Variants in TMEM207 observed in about 807,000 individuals in gnomAD.
TMEM207 encodes the protein SRSR846.
A neutral mutation model predicts 17.4 loss-of-function variants in TMEM207; 15 were observed. That is an observed-to-expected ratio of 0.86 (90% CI 0.58 to 1.33). The LOEUF (loss-of-function observed/expected upper bound fraction) is 1.33, where lower values mean the gene tolerates loss of function less well. Among genes scored for constraint, TMEM207 ranks in the 40% most tolerant of loss-of-function variants. The pLI, the probability that TMEM207 is intolerant of heterozygous loss-of-function variation, is 0.00. For missense variants in TMEM207, 205 were observed against 173.8 expected (o/e 1.18, Z -1.01); for synonymous variants, 70 against 65.6 (o/e 1.07, Z -0.33).
At chr3:190,448,648 A>C (rs1720100402) in intron 1 of TMEM207, among the ~76,000 whole-genome samples, 1 of 152,148 alleles carries the variant, frequency 6.6e-6, no homozygotes, top group African/African-American at 2.4e-5. Context: ...TTAGTTGATG[A>C]AGTCAGTTGA....
intron 4 of TMEM207, among the ~76,000 whole-genome samples, chr3:190,439,124 C>T (rs1411056084): frequency 4.4e-5 from 6 of 135,410 alleles, no homozygotes; most frequent in East Asian, 2.3e-4. Context: ...TTGCAGTGAG[C>T]GGAGATCGCG....
chr3:190,444,856 AT>A (rs952357682), intron 2 of TMEM207, among the ~76,000 whole-genome samples: 4 of 151,964 alleles, frequency 2.6e-5, no homozygotes, highest in Admixed American at 6.6e-5. Context: ...AATTGCATGA[AT>A]TTTTTTTTAT....
rs546633114 is a variant in TMEM207 at position 190,449,086 on chromosome 3, G to A, written c.75+649C>T. On this transcript the variant is annotated intron_variant, in intron 1 of 4. Coordinates refer to ENST00000354905, the MANE Select transcript of TMEM207 (RefSeq NM_207316.3). ...AGTATTTCACTTTCAAGTCACTTCC[G>A]TGTTTTTTCTGTGTGTTGTACCCTA... Among the ~76,000 whole-genome samples, 15 of 152,254 alleles carry A rather than the reference G, an allele frequency of 9.9e-5. 1 individual carries two copies. In the South Asian group the frequency reaches 2.3e-3, roughly 23 times the overall value.
chr3:190,436,017 C>T (rs1401961785), intron 4 of TMEM207, among the ~76,000 whole-genome samples: 1 of 152,160 alleles, frequency 6.6e-6, no homozygotes, highest in Non-Finnish European at 1.5e-5. Context: ...TTAACATTAG[C>T]ACAATTTGTC....
intron 2 of TMEM207, among the ~76,000 whole-genome samples, chr3:190,443,232 A>T (rs907415485): frequency 6.8e-6 from 1 of 147,798 alleles, no homozygotes; most frequent in African/African-American, 2.5e-5. Flanking sequence ...GGATTATTTC[A>T]TCTTCCTCCT....
chr3:190,442,511 C>A (rs10937432), intron 2 of TMEM207, among the ~76,000 whole-genome samples: 1 of 152,252 alleles, frequency 6.6e-6, no homozygotes, highest in East Asian at 1.9e-4. Flanking sequence ...TTTAAAAATT[C>A]TATCACAAAC....
At position 190,441,456 on chromosome 3, in the gene TMEM207, G is replaced by A. The variant is rs151143670; in HGVS notation, c.140C>T (p.Pro47Leu). 51 of 1,611,962 alleles carry A rather than the reference G, an allele frequency of 3.2e-5. No homozygotes were observed. The highest frequency in any genetic ancestry group is 4.3e-5 in the Non-Finnish European group (51 of 1,178,776). ...TCCTTACCAGATATACCAGCCATTA[G>A]GGTGTTGGTCATTATAATTTACACA... Reference protein sequence around the residue: ...EMCVNYNDQHPNGWYIWILLL... With the variant: ...EMCVNYNDQHLNGWYIWILLL... Residue 47 changes from proline to leucine, a missense_variant, in exon 3 of 5, where the codon CCT becomes CTT. By Grantham distance (98) the Pro-to-Leu change is moderately conservative. Transcript: ENST00000354905.
intron 4 of TMEM207, among the ~76,000 whole-genome samples, chr3:190,435,243 T>A (rs1354270843): frequency 1.3e-5 from 2 of 152,144 alleles, no homozygotes. Flanking sequence ...CAGGGTAGGT[T>A]TCTTCTGAGG....
intron 2 of TMEM207, among the ~76,000 whole-genome samples, chr3:190,443,741 A>C (rs1270548752): frequency 6.6e-6 from 1 of 152,194 alleles, no homozygotes; most frequent in Non-Finnish European, 1.5e-5. Flanking sequence ...AGAGTATTCT[A>C]ATTACTCAAA....
chr3:190,440,803 T>C (rs1719912520), intron 3 of TMEM207, among the ~76,000 whole-genome samples: 1 of 152,124 alleles, frequency 6.6e-6, no homozygotes. Context: ...GCGCGGTGGC[T>C]CAAGCCTGTA....
At chr3:190,441,381 G>A in intron 3 of TMEM207, 57 bp downstream of exon 3, 1 of 1,377,014 alleles carries the variant, frequency 7.3e-7, no homozygotes, top group Non-Finnish European at 1.0e-6. Flanking sequence ...AATTATTTAG[G>A]ACAAAGACTG....
intron 4 of TMEM207, among the ~76,000 whole-genome samples, chr3:190,430,122 T>C (rs1719659950): frequency 6.6e-6 from 1 of 152,216 alleles, no homozygotes; most frequent in South Asian, 2.1e-4. Flanking sequence ...ACTTTCTAAA[T>C]TGTATTATTT....
rs149181875 is a variant in TMEM207, at chr3:190,447,462, G to A, written c.113+328C>T. On this transcript the variant is annotated intron_variant, in intron 2 of 4. Coordinates refer to ENST00000354905, the MANE Select transcript of TMEM207 (RefSeq NM_207316.3). ...CCCTTGGTCACTGTGATTTTTGAGT[G>A]TGGATGAAGCCATAGATGACATCAT... Among the ~76,000 whole-genome samples, 794 of 152,254 alleles carry A rather than the reference G, an allele frequency of 5.2e-3. 6 individuals carry two copies. The highest frequency in any genetic ancestry group is 8.9e-3 in the Non-Finnish European group (605 of 68,010).
chr3:190,440,100 C>T, intron 4 of TMEM207, 144 bp downstream of exon 4: 1 of 901,734 alleles, frequency 1.1e-6, no homozygotes, highest in Non-Finnish European at 1.6e-6. Context: ...CTCCCTTAAA[C>T]TCTCCTCAGT....
intron 4 of TMEM207, among the ~76,000 whole-genome samples, chr3:190,438,083 C>A (rs1162010033): frequency 3.4e-5 from 4 of 116,134 alleles, no homozygotes; most frequent in African/African-American, 1.4e-4. Flanking sequence ...GAACATCACA[C>A]TTGGGACTGT....
rs560406126 is a variant in TMEM207 at position 190,435,525 on chromosome 3, G to A, written c.304+4719C>T. Among the ~76,000 whole-genome samples the A allele has an allele frequency of 3.3e-5, 5 of 152,272 alleles. No individual in the cohort carries two copies. The South Asian group carries it at 1.0e-3, about 32-fold the overall frequency. ...GTTCAACCCACAACAGGGGGCATCA[G>A]AGGGAATATTTTTCCCTTTCTGAAG... On this transcript the variant is annotated intron_variant, in intron 4 of 4. Coordinates refer to ENST00000354905, the MANE Select transcript of TMEM207 (RefSeq NM_207316.3).
intron 2 of TMEM207, among the ~76,000 whole-genome samples, chr3:190,445,687 G>A (rs193120729): frequency 1.1e-3 from 174 of 152,058 alleles, no homozygotes; most frequent in Middle Eastern, 3.4e-3. Flanking sequence ...CACCATGCCC[G>A]GCTAATTTTT....
chr3:190,448,208 T>G (rs956503664), intron 1 of TMEM207, among the ~76,000 whole-genome samples: 2 of 151,788 alleles, frequency 1.3e-5, no homozygotes, highest in Non-Finnish European at 2.9e-5. Context: ...AGTATTATTT[T>G]CACGCAAAAA....
chr3:190,448,740 T>C (rs1326642956), intron 1 of TMEM207, among the ~76,000 whole-genome samples: 1 of 151,936 alleles, frequency 6.6e-6, no homozygotes, highest in Admixed American at 6.6e-5. Flanking sequence ...GACTTGGGAG[T>C]TCTGTGTGAG....
Sources: allele counts gnomAD v4.1 joint callset (sites outside exome capture counted in the v4.1 genomes callset), GRCh38; gene constraint gnomAD v4.1.1; transcripts MANE v1.5; gene names NCBI Gene and HGNC (gene_info 2026-07-23, HGNC 2026-07-21).